Variants in SMG1 observed in about 807,000 individuals in gnomAD.
The protein encoded by SMG1 is serine/threonine-protein kinase SMG1.
Under a neutral mutation model 419.9 loss-of-function variants are expected in SMG1, and 22 were observed. That is an observed-to-expected ratio of 0.05 (90% CI 0.04 to 0.07). The LOEUF (loss-of-function observed/expected upper bound fraction) is 0.07, where lower values mean the gene tolerates loss of function less well. Ranked by LOEUF, SMG1 falls within the 10% of genes least tolerant of loss-of-function variation. The probability of loss-of-function intolerance (pLI) is 1.00; values close to 1 mark genes in which losing one functional copy is unlikely to be tolerated. For missense variants in SMG1, 3,185 were observed against 4,342.0 expected, an observed-to-expected ratio of 0.73 and a Z score of 7.49; for synonymous variants, 1,538 against 1,553.5, an observed-to-expected ratio of 0.99 and a Z score of 0.23.
chr16:18,870,660 T>C lies in SMG1; in HGVS notation c.2442A>G (p.Arg814=), dbSNP rs751995987. Residue 814 remains arginine, a synonymous_variant, in exon 18 of 63, where the codon CGA becomes CGG. Transcript: ENST00000446231. ...ATTTCAACAGTTTTCCAAATGCTTG[T>C]CGAATACGAGTTCCACTGTGCACTA... is the stretch of plus-strand genomic sequence containing the variant. ...VQLVHSGTRI[R]QAFGKLLKSI... is the part of the protein sequence containing the mutation. The C allele has an allele frequency of 1.9e-6, 3 of 1,608,366 alleles. No homozygotes were observed. Among genetic ancestry groups the C allele is most frequent in the African/African-American group, 1.3e-5 (1 of 74,954 alleles).
intron 1 of SMG1, among the ~76,000 whole-genome samples, chr16:18,924,318 G>T (rs1330243819): frequency 1.3e-5 from 2 of 152,160 alleles, no homozygotes; most frequent in Non-Finnish European, 2.9e-5. Context: ...CCTAGCACGT[G>T]GCTGCGACTC....
chr16:18,853,726 T>C lies in SMG1; in HGVS notation c.4625A>G (p.Gln1542Arg). 1 of 1,613,976 alleles carries C rather than the reference T, an allele frequency of 6.2e-7. No individual in the cohort carries two copies. The highest frequency in any genetic ancestry group is 8.5e-7 in the Non-Finnish European group (1 of 1,179,876). Residue 1542 changes from glutamine (Q) to arginine (R), a missense_variant, in exon 31 of 63, where the codon CAG (glutamine) becomes CGG (arginine). Coordinates refer to ENST00000446231, the MANE Select transcript of SMG1 (RefSeq NM_015092.5). ...CTGAGCTCTGTAAACCTGTTTCAGCTGTCCTGAAATCTCTTTCCATTCTGC... is the reference window on the plus strand; with the variant it reads ...CTGAGCTCTGTAAACCTGTTTCAGCCGTCCTGAAATCTCTTTCCATTCTGC... The part of the protein sequence containing the change: ...IQAEWKEISG[Q>R]LKQVYRAQHQ...
chr16:18,839,188 AT>A (rs1406851542), intron 42 of SMG1, among the ~76,000 whole-genome samples: 2 of 151,906 alleles, frequency 1.3e-5, no homozygotes, highest in African/African-American at 4.8e-5. Flanking sequence ...ATTTAAAAAA[AT>A]TTTTTTCCTT....
intron 1 of SMG1, among the ~76,000 whole-genome samples, chr16:18,920,786 G>A (rs2038167194): frequency 6.6e-6 from 1 of 151,866 alleles, no homozygotes; most frequent in South Asian, 2.1e-4. Context: ...GCTGCAGTGA[G>A]CTGAGATGGT....
intron 60 of SMG1, among the ~76,000 whole-genome samples, chr16:18,813,072 T>A (rs75963365): frequency 0.3 from 45,473 of 150,912 alleles, 7,400 homozygotes; most frequent in Non-Finnish European, 0.38. Flanking sequence ...TCTATCATTG[T>A]TGGACATTTG....
chr16:18,810,924 T>C lies in SMG1; in HGVS notation c.10908+837A>G, dbSNP rs143472473. On this transcript the variant is annotated intron_variant, in intron 62 of 62. Transcript: ENST00000446231. ...ACACAGAACAATGAAACATGGGAAA[T>C]TGTTAACTGGTGAGTCTAGGTAAAA... Among the ~76,000 whole-genome samples the C allele has an allele frequency of 9.9e-5, 15 of 152,230 alleles. No individual in the cohort carries two copies. In the East Asian group the frequency reaches 2.3e-3, roughly 24 times the overall value.
At chr16:18,834,810 T>C in intron 49 of SMG1, 82 bp downstream of exon 49, 1 of 1,446,342 alleles carries the variant, frequency 6.9e-7, no homozygotes, top group Admixed American at 1.9e-5. Context: ...TTGGCAAGAC[T>C]AAGGAAAGTA....
At chr16:18,843,566 C>T (rs1034329211) in intron 39 of SMG1, among the ~76,000 whole-genome samples, 1 of 152,088 alleles carries the variant, frequency 6.6e-6, no homozygotes, top group African/African-American at 2.4e-5. Context: ...CCCCAAGTGC[C>T]CAATGACAAA....
chr16:18,868,453 C>T (rs1448713430), intron 21 of SMG1, 70 bp downstream of exon 21: 23 of 1,485,916 alleles, frequency 1.5e-5, no homozygotes, highest in Non-Finnish European at 2.1e-5. Flanking sequence ...ACTGTGATTT[C>T]AGCTCTGCAC....
In SMG1 at chr16:18,834,901, G is replaced by T; in HGVS notation, c.8321C>A (p.Thr2774Asn). 1 of 1,613,790 alleles carries T rather than the reference G, an allele frequency of 6.2e-7. No individual in the cohort carries two copies. Among genetic ancestry groups the T allele is most frequent in the Non-Finnish European group, 8.5e-7 (1 of 1,179,718 alleles). The change falls in exon 49 of 63, where the codon ACC becomes AAC. Residue 2774 changes from threonine (T) to asparagine (N), a missense_variant. Transcript: ENST00000446231. ...LASVIISALC[T>N]LTRRNLMMEG... ...AAGTTGGCTAACTTACCTTGTAAGG[G>T]TACAAAGGGCAGAAATAATAACACT... is the stretch of plus-strand genomic sequence containing the variant.
intron 51 of SMG1, among the ~76,000 whole-genome samples, chr16:18,830,718 G>A (rs1225653246): frequency 1.3e-5 from 2 of 152,158 alleles, no homozygotes. Flanking sequence ...TTGAACCTAG[G>A]AGGCGGAGGT....
chr16:18,857,589 A>C (rs188826026), intron 29 of SMG1: 1 of 152,332 alleles, frequency 6.6e-6, no homozygotes, highest in African/African-American at 2.4e-5. Flanking sequence ...AGTGATTAAA[A>C]TTTTTTTAAG....
At chr16:18,812,639 T>TAC (rs569224347) in intron 60 of SMG1, among the ~76,000 whole-genome samples, 3,685 of 144,562 alleles carry the variant, frequency 0.025, 96 homozygotes, top group African/African-American at 0.063. Flanking sequence ...CACATATATA[T>TAC]ACACATATAC....
At chr16:18,881,882 A>C (rs999355201) in intron 10 of SMG1, among the ~76,000 whole-genome samples, 1 of 152,172 alleles carries the variant, frequency 6.6e-6, no homozygotes, top group Non-Finnish European at 1.5e-5. Flanking sequence ...GTAAAATTAT[A>C]ATAAATATTA....
chr16:18,873,638 G>A (rs2035945275), intron 13 of SMG1, among the ~76,000 whole-genome samples: 2 of 152,248 alleles, frequency 1.3e-5, no homozygotes, highest in Non-Finnish European at 2.9e-5. Context: ...GTGCTGGGCT[G>A]TATTTGGCCC....
At position 18,842,611 on chromosome 16, in the gene SMG1, G is replaced by A. The variant is rs537357088; in HGVS notation, c.6220-157C>T. ...AGGCCGAGGTAGGCAGATCACTTGA[G>A]TTCAGAAGTTCAAGACCAGCCTGAG... On this transcript the variant is annotated intron_variant, in intron 39 of 62. Coordinates refer to ENST00000446231, the MANE Select transcript of SMG1 (RefSeq NM_015092.5). 4.6e-5 allele frequency among the ~76,000 whole-genome samples: 7 copies of A among 152,274 alleles called. No individual in the cohort carries two copies. In the East Asian group the frequency reaches 1.3e-3, roughly 29 times the overall value.
chr16:18,831,092 T>A (rs1248996916), intron 51 of SMG1, among the ~76,000 whole-genome samples: 2 of 152,200 alleles, frequency 1.3e-5, no homozygotes, highest in Non-Finnish European at 2.9e-5. Flanking sequence ...ATGCTTGGTT[T>A]TTATTTATGC....
At chr16:18,860,356 A>G (rs1248975132) in intron 26 of SMG1, among the ~76,000 whole-genome samples, 2 of 152,252 alleles carry the variant, frequency 1.3e-5, no homozygotes, top group African/African-American at 2.4e-5. Context: ...GTGATAAATT[A>G]ATGAGCCACA....
rs2033468877 is a variant in SMG1 at position 18,835,095 on chromosome 16, G to A, written c.8127C>T (p.Thr2709=). The A allele has an allele frequency of 1.2e-6, 2 of 1,613,846 alleles. No individual in the cohort carries two copies. The highest frequency in any genetic ancestry group is 1.3e-5 in the African/African-American group (1 of 75,020). Residue 2709 remains threonine (T), a synonymous_variant, in exon 49 of 63, where the codon ACC becomes ACT. Transcript: ENST00000446231. ...VCQFITATEM[T]LQRYAADINS... The stretch of plus-strand genomic sequence containing the variant: ...TGATGTCTGCTGCGTATCGCTGCAG[G>A]GTCATTTCAGTGGCAGTGATGAACT...
Sources: allele counts gnomAD v4.1 joint callset (sites outside exome capture counted in the v4.1 genomes callset), GRCh38; gene constraint gnomAD v4.1.1; transcripts MANE v1.5; gene names NCBI Gene and HGNC (gene_info 2026-07-23, HGNC 2026-07-21).